CLCN5: variants seen among roughly 807,000 people sequenced by gnomAD.
The protein encoded by CLCN5 is Cl-/H+ antiporter 5.
In CLCN5, 17 loss-of-function variants were observed where a neutral mutation model predicts 54.0. The ratio of observed to expected loss-of-function variants is 0.31; its 90% CI spans 0.22 to 0.47. The LOEUF (loss-of-function observed/expected upper bound fraction) is 0.47, where lower values mean the gene tolerates loss of function less well. CLCN5 is among the 20% of genes least tolerant of loss of function. CLCN5 has a pLI of 1.00. For missense variants in CLCN5, 448 were observed against 646.7 expected, an observed-to-expected ratio of 0.69 and a Z score of 3.33; for synonymous variants, 222 against 233.0, an observed-to-expected ratio of 0.95 and a Z score of 0.43.
chrX:49,990,473 TG>T (rs782051486), intron 3 of CLCN5, among the ~76,000 whole-genome samples: 1 of 108,729 alleles, frequency 9.2e-6, no homozygotes, highest in East Asian at 3.0e-4. Context: ...GTCTTGGCTC[TG>T]TCACCCAGGC....
chrX:49,946,805 CTTTCTTTT>C (rs1457436599), intron 3 of CLCN5, among the ~76,000 whole-genome samples: 2 of 108,913 alleles, frequency 1.8e-5, no homozygotes, highest in Non-Finnish European at 3.8e-5. Flanking sequence ...TAATTGAAGA[CTTTCTTTT>C]TTTCTTTTTC....
chrX:50,088,768 T>C lies in CLCN5; in HGVS notation c.1628T>C (p.Met543Thr), dbSNP rs782019164. ...GCAGGTCGACTTCTAGGAGTAGGAA[T>C]GGAACAGCTGGCTTATTACCACCAG... ...AIAGRLLGVG[M>T]EQLAYYHQEW... Residue 543 changes from methionine to threonine, a missense_variant, in exon 12 of 15, where the codon ATG (methionine) becomes ACG (threonine). Physicochemically the swap from Met to Thr is moderately conservative, Grantham distance 81 (BLOSUM62 -1). Around this residue, in one of 5 missense-constraint regions of CLCN5, gnomAD observed 297 missense variants for 470.4 expected, o/e 0.63. Coordinates refer to ENST00000376091, the MANE Select transcript of CLCN5 (RefSeq NM_001127898.4). 5 of 1,211,280 alleles carry C rather than the reference T, an allele frequency of 4.1e-6. No homozygotes were observed. The highest frequency in any genetic ancestry group is 4.5e-6 in the Non-Finnish European group (4 of 895,046).
rs1199872669 is a variant in CLCN5, at chrX:50,016,640, G to A, written c.17-25676G>A. 2.7e-5 allele frequency among the ~76,000 whole-genome samples: 3 copies of A among 109,167 alleles called. No homozygotes were observed. In the Admixed American group the frequency reaches 3.0e-4, roughly 11 times the overall value. 94.8% of individuals were successfully genotyped at this position (109,167 alleles called of 115,157 possible). On this transcript the variant is annotated intron_variant, in intron 3 of 14. Coordinates refer to ENST00000376091, the MANE Select transcript of CLCN5 (RefSeq NM_001127898.4). ...CCTCTTTGTGTTATATACTCTATGG[G>A]TTTTGACAAGTGTATAATGACATGC...
chrX:50,049,185 C>T (rs1296670304), intron 4 of CLCN5, among the ~76,000 whole-genome samples: 2 of 111,693 alleles, frequency 1.8e-5, no homozygotes, highest in African/African-American at 3.3e-5. Flanking sequence ...TATGATACCA[C>T]GTTTTAATAG....
chrX:49,942,654 G>A (rs933570270), intron 3 of CLCN5, among the ~76,000 whole-genome samples: 3 of 106,464 alleles, frequency 2.8e-5, no homozygotes, highest in Non-Finnish European at 5.8e-5. Flanking sequence ...AACTTGCGGT[G>A]TTTGTTTTTT....
chrX:50,081,508 G>T (rs1933699767), intron 8 of CLCN5, 133 bp from the exon 9 acceptor site: 1 of 522,909 alleles, frequency 1.9e-6, no homozygotes, highest in Non-Finnish European at 3.3e-6. Flanking sequence ...TCCAAACAGG[G>T]ATCACTGTAG....
chrX:49,952,875 C>CGT lies in CLCN5; in HGVS notation c.16+27570_16+27571dup, dbSNP rs781807591. Among the ~76,000 whole-genome samples, 351 of 110,390 alleles carry CGT rather than the reference C, an allele frequency of 3.2e-3. 1 individual carries two copies. Among genetic ancestry groups the CGT allele is most frequent in the African/African-American group, 0.011 (340 of 30,437 alleles). The stretch of plus-strand genomic sequence containing the variant: ...ACACCCATGCATATAGACTTCTAGA[C>CGT]GTGTGTGTGTAACTTTTTTTTTTTT... On this transcript the variant is annotated intron_variant, in intron 3 of 14. Transcript: ENST00000376091.
intron 3 of CLCN5, among the ~76,000 whole-genome samples, chrX:49,950,738 ATATT>A (rs1226014758): frequency 1.8e-5 from 2 of 110,222 alleles, no homozygotes; most frequent in Non-Finnish European, 3.8e-5. Context: ...CATAGTGTAT[ATATT>A]TATATACACT....
intron 3 of CLCN5, among the ~76,000 whole-genome samples, chrX:49,944,840 A>G (rs1926603083): frequency 9.0e-6 from 1 of 111,728 alleles, no homozygotes; most frequent in South Asian, 3.8e-4. Context: ...ATCGATGCTC[A>G]TCAGGGATAT....
chrX:50,021,296 G>C (rs1341003186), intron 3 of CLCN5, among the ~76,000 whole-genome samples: 8 of 79,357 alleles, frequency 1.0e-4, no homozygotes, highest in Admixed American at 2.8e-4. Context: ...TGGTGTATAA[G>C]AATGCTTGTG....
intron 3 of CLCN5, among the ~76,000 whole-genome samples, chrX:49,931,403 A>G (rs1005225398): frequency 6.2e-5 from 7 of 112,226 alleles, no homozygotes; most frequent in Admixed American, 4.7e-4. Flanking sequence ...GCTTACATGT[A>G]TCTTTCCACT....
At chrX:50,082,513 A>C (rs782663668) in intron 9 of CLCN5, among the ~76,000 whole-genome samples, 7 of 109,524 alleles carry the variant, frequency 6.4e-5, no homozygotes, top group Non-Finnish European at 1.3e-4. Context: ...GGGTTTCACT[A>C]TGTTGCCCAG....
At chrX:50,081,006 C>G (rs946466676) in intron 8 of CLCN5, among the ~76,000 whole-genome samples, 6 of 111,495 alleles carry the variant, frequency 5.4e-5, no homozygotes, top group African/African-American at 2.0e-4. Flanking sequence ...AGATTCTGAC[C>G]TGAAAAAGCA....
intron 3 of CLCN5, among the ~76,000 whole-genome samples, chrX:49,934,426 C>T (rs1158838532): frequency 9.0e-6 from 1 of 111,240 alleles, no homozygotes; most frequent in Non-Finnish European, 1.9e-5. Context: ...GCTACGAATG[C>T]CAGATTCTCC....
chrX:50,012,724 C>T (rs1205034447), intron 3 of CLCN5, among the ~76,000 whole-genome samples: 2 of 111,846 alleles, frequency 1.8e-5, no homozygotes, highest in Admixed American at 1.9e-4. Flanking sequence ...CCAGCAGCAT[C>T]TGTATCACCT....
In CLCN5 at chrX:49,925,294, T is replaced by A; in HGVS notation, c.-5T>A. On this transcript the variant is annotated 5_prime_UTR_variant, in exon 3 of 15. Transcript: ENST00000376091. ...GACCCCAGCGTGGGTGAAGATAGGA[T>A]CAAGATGGCCATGTGGCAGGGTAAG... The A allele has an allele frequency of 8.3e-7, 1 of 1,210,461 alleles. No individual in the cohort carries two copies. Among genetic ancestry groups the A allele is most frequent in the Non-Finnish European group, 1.1e-6 (1 of 894,426 alleles).
intron 3 of CLCN5, among the ~76,000 whole-genome samples, chrX:49,954,489 A>G (rs1187254414): frequency 2.7e-5 from 3 of 111,606 alleles, no homozygotes; most frequent in African/African-American, 9.8e-5. Flanking sequence ...TTGGAAGCTG[A>G]GGAATCTCTA....
In CLCN5 at chrX:50,090,872, G is replaced by A; in HGVS notation, c.2346G>A (p.Leu782=). 1 of 1,205,562 alleles carries A rather than the reference G, an allele frequency of 8.3e-7. No individual in the cohort carries two copies. Among genetic ancestry groups the A allele is most frequent in the Non-Finnish European group, 1.1e-6 (1 of 889,960 alleles). ...GAAAGCTGGGACTGCGGCAGTGCCT[G>A]GTTACACACAACGGGTAAGAAGTCT... ...IFRKLGLRQC[L]VTHNGRLLGI... The change falls in exon 14 of 15, where the codon CTG becomes CTA. Residue 782 remains leucine, a synonymous_variant. Coordinates refer to ENST00000376091, the MANE Select transcript of CLCN5 (RefSeq NM_001127898.4).
At position 50,096,763 on chromosome X, in the gene CLCN5, A is replaced by G. The variant is rs1424917513; in HGVS notation, c.*4544A>G. 1.8e-5 allele frequency: 2 copies of G among 112,480 alleles called. No homozygotes were observed. The highest frequency in any genetic ancestry group is 3.8e-5 in the Non-Finnish European group (2 of 53,183). 9.3% of individuals were successfully genotyped at this position (112,480 alleles called of 1,213,427 possible). A position where few individuals can be genotyped will look rare whatever the true frequency, so the allele number is the denominator to read the frequency against. ...AGGAAAGCCATCCCACACCCCTACA[A>G]CATATGTTCTGGCATTTATAAACTG... On this transcript the variant is annotated 3_prime_UTR_variant, in exon 15 of 15. Transcript: ENST00000376091.
Sources: allele counts gnomAD v4.1 joint callset (sites outside exome capture counted in the v4.1 genomes callset), GRCh38; gene constraint gnomAD v4.1.1; regional missense constraint gnomAD v4.1.1; transcripts MANE v1.5; gene names NCBI Gene and HGNC (gene_info 2026-07-23, HGNC 2026-07-21).